Variants in SGMS1 observed in about 807,000 individuals in gnomAD.
SGMS1 encodes sphingomyelin synthase 1.
In SGMS1, 13 loss-of-function variants were observed where a neutral mutation model predicts 46.2. The observed-to-expected ratio is 0.28, with a 90% confidence interval of 0.18 to 0.45. The LOEUF (loss-of-function observed/expected upper bound fraction) is 0.45. SGMS1 is among the 20% of genes least tolerant of loss of function. The pLI is 1.00. For missense variants in SGMS1, 324 were observed against 519.9 expected, an observed-to-expected ratio of 0.62 and a Z score of 3.66; for synonymous variants, 203 against 187.8, an observed-to-expected ratio of 1.08 and a Z score of -0.66.
At chr10:50,416,254 A>G (rs1198442386) in intron 6 of SGMS1, among the ~76,000 whole-genome samples, 1 of 152,194 alleles carries the variant, frequency 6.6e-6, no homozygotes, top group Non-Finnish European at 1.5e-5. Context: ...ACCAACCTTA[A>G]ATGCTAACTT....
Position 50,576,060 on chromosome 10 carries a change from G to C in SGMS1, c.-589+14093C>G, listed in dbSNP as rs909722218. On this transcript the variant is annotated intron_variant, in intron 2 of 10. Coordinates refer to ENST00000361781, the MANE Select transcript of SGMS1 (RefSeq NM_147156.4). ...CTCTGGCATCACTTCCCATGTTAGA[G>C]AGAGTGGAACCTACAGACACTTTCC... 1.6e-4 allele frequency among the ~76,000 whole-genome samples: 25 copies of C among 151,978 alleles called. 1 individual carries two copies. Among genetic ancestry groups the C allele is most frequent in the Admixed American group, 1.6e-3 (25 of 15,250 alleles).
At chr10:50,579,157 A>G (rs987276232) in intron 2 of SGMS1, among the ~76,000 whole-genome samples, 2 of 152,182 alleles carry the variant, frequency 1.3e-5, no homozygotes, top group Non-Finnish European at 1.5e-5. Context: ...AAAACTGTCA[A>G]AAAATTTTAA....
intron 6 of SGMS1, among the ~76,000 whole-genome samples, chr10:50,382,535 C>T (rs568878105): frequency 1.7e-4 from 24 of 143,754 alleles, no homozygotes; most frequent in African/African-American, 6.4e-4. Flanking sequence ...AAGGTGGAGA[C>T]CCTTCAAGAA....
chr10:50,427,624 A>G (rs777926014), intron 6 of SGMS1, among the ~76,000 whole-genome samples: 10 of 152,294 alleles, frequency 6.6e-5, no homozygotes, highest in South Asian at 4.1e-4. Flanking sequence ...AAGTCGACAT[A>G]CAACAAAGTG....
At chr10:50,433,840 C>T (rs6481252) in intron 5 of SGMS1, among the ~76,000 whole-genome samples, 1,533 of 152,180 alleles carry the variant, frequency 0.01, 29 homozygotes, top group African/African-American at 0.034. Context: ...AGTCTGTTTC[C>T]CAGGCGGCAA....
intron 6 of SGMS1, among the ~76,000 whole-genome samples, chr10:50,427,987 A>ATGTGTGTGTG (rs149882980): frequency 1.3e-5 from 2 of 150,406 alleles, no homozygotes; most frequent in African/African-American, 4.9e-5. Flanking sequence ...GAGAGAGAGA[A>ATGTGTGTGTG]TGTGTGTGTG....
At chr10:50,317,454 C>T (rs1485954695) in intron 8 of SGMS1, among the ~76,000 whole-genome samples, 2 of 152,148 alleles carry the variant, frequency 1.3e-5, no homozygotes, top group Non-Finnish European at 1.5e-5. Flanking sequence ...AGTGGCTTAC[C>T]GACCAGTACA....
chr10:50,359,026 C>G (rs991372504), intron 6 of SGMS1, among the ~76,000 whole-genome samples: 1 of 152,164 alleles, frequency 6.6e-6, no homozygotes, highest in African/African-American at 2.4e-5. Flanking sequence ...TTTTAAATTG[C>G]TATTACATGC....
chr10:50,502,319 A>AAG (rs911745846), intron 3 of SGMS1, among the ~76,000 whole-genome samples: 5 of 151,384 alleles, frequency 3.3e-5, no homozygotes, highest in African/African-American at 4.9e-5. Flanking sequence ...AAAAAAAAAA[A>AAG]AAAACCAGCA....
chr10:50,613,914 C>A (rs1289439647), intron 1 of SGMS1, among the ~76,000 whole-genome samples: 1 of 152,152 alleles, frequency 6.6e-6, no homozygotes, highest in Non-Finnish European at 1.5e-5. Context: ...CACATTGTAG[C>A]TATGTGACCT....
intron 6 of SGMS1, among the ~76,000 whole-genome samples, chr10:50,368,064 T>C (rs969746342): frequency 6.6e-5 from 10 of 152,240 alleles, no homozygotes; most frequent in African/African-American, 2.2e-4. Context: ...AACTATGTAA[T>C]GGAATTGCAA....
At chr10:50,504,327 G>A (rs551810012) in intron 3 of SGMS1, among the ~76,000 whole-genome samples, 7 of 152,316 alleles carry the variant, frequency 4.6e-5, no homozygotes, top group Non-Finnish European at 8.8e-5. Context: ...GCTTAGGTAA[G>A]TTTGGGAAAC....
rs576242488 is a variant in SGMS1, at chr10:50,363,652, T to G, written c.-231-19307A>C. On this transcript the variant is annotated intron_variant, in intron 6 of 10. Coordinates refer to ENST00000361781, the MANE Select transcript of SGMS1 (RefSeq NM_147156.4). ...AAAGTTGCAAAAAGATTAAGTAGGA[T>G]CTGCCCTTGCCTTTTACCTTCTTAG... is the stretch of plus-strand genomic sequence containing the variant. Among the ~76,000 whole-genome samples the G allele has an allele frequency of 2.4e-4, 36 of 152,266 alleles. 1 individual carries two copies. In the South Asian group the frequency reaches 5.0e-3, roughly 21 times the overall value.
At position 50,344,054 on chromosome 10, in the gene SGMS1, T is replaced by C. The variant is rs372461265; in HGVS notation, c.61A>G (p.Met21Val). Residue 21 changes from methionine (M) to valine (V), a missense_variant, in exon 7 of 11, where the codon ATG (methionine) becomes GTG (valine). By Grantham distance (21) the Met-to-Val change is conservative. Around this residue, in one of 2 missense-constraint regions of SGMS1, gnomAD observed 150 missense variants for 169.8 expected, o/e 0.88. Transcript: ENST00000361781. The stretch of plus-strand genomic sequence containing the variant: ...TCCAGAGGCTCACAGTATTCTGGCA[T>C]AGCATTCTCCAGCAGCCAGTCTGCC... ...KVADWLLENAMPEYCEPLEHF... is the reference protein window; with the variant it reads ...KVADWLLENAVPEYCEPLEHF... 19 of 1,614,040 alleles carry C rather than the reference T, an allele frequency of 1.2e-5. No homozygotes were observed. Among genetic ancestry groups the C allele is most frequent in the South Asian group, 6.6e-5 (6 of 91,086 alleles).
chr10:50,409,139 T>A (rs1849063277), intron 6 of SGMS1, among the ~76,000 whole-genome samples: 1 of 152,194 alleles, frequency 6.6e-6, no homozygotes, highest in African/African-American at 2.4e-5. Flanking sequence ...TATTTGCACA[T>A]ATTTATGGGG....
chr10:50,409,713 G>A (rs1271251184), intron 6 of SGMS1, among the ~76,000 whole-genome samples: 1 of 151,896 alleles, frequency 6.6e-6, no homozygotes, highest in Non-Finnish European at 1.5e-5. Context: ...AAACTCTTTC[G>A]ATATATCAAC....
At chr10:50,586,043 G>C (rs1464408796) in intron 2 of SGMS1, among the ~76,000 whole-genome samples, 1 of 152,128 alleles carries the variant, frequency 6.6e-6, no homozygotes, top group Non-Finnish European at 1.5e-5. Flanking sequence ...CTCAACCCTG[G>C]TCTCTTTTGC....
At chr10:50,337,109 GA>G (rs1847728840) in intron 7 of SGMS1, among the ~76,000 whole-genome samples, 1 of 152,020 alleles carries the variant, frequency 6.6e-6, no homozygotes, top group Admixed American at 6.6e-5. Context: ...GTAAGTATCC[GA>G]AAAAGCACCA....
At chr10:50,358,389 G>A (rs909137506) in intron 6 of SGMS1, among the ~76,000 whole-genome samples, 12 of 152,146 alleles carry the variant, frequency 7.9e-5, no homozygotes, top group Non-Finnish European at 1.6e-4. Flanking sequence ...TCAGATAAAA[G>A]TTTTTACATC....
Sources: gnomAD v4.1 joint callset for allele counts (sites outside exome capture counted in the v4.1 genomes callset) on GRCh38, gnomAD v4.1.1 for gene constraint, gnomAD v4.1.1 regional missense constraint, MANE v1.5 for transcripts, NCBI Gene and HGNC (gene_info 2026-07-23, HGNC 2026-07-21) for gene names.